ROBO2: variants seen among roughly 807,000 people sequenced by gnomAD.
ROBO2 encodes the protein roundabout guidance receptor 2, also known as roundabout homolog 2.
In ROBO2, 53 loss-of-function variants were observed where a neutral mutation model predicts 160.8. The observed-to-expected ratio is 0.33, with a 90% CI of 0.26 to 0.41. The LOEUF (loss-of-function observed/expected upper bound fraction) is 0.41, where lower values mean the gene tolerates loss of function less well. Ranked by LOEUF, ROBO2 falls within the 10% of genes least tolerant of loss-of-function variation. The probability of loss-of-function intolerance (pLI) is 1.00; values close to 1 mark genes in which losing one functional copy is unlikely to be tolerated. For synonymous variants in ROBO2, 664 were observed against 611.7 expected (o/e 1.09, Z -1.26); for missense variants, 1,577 against 1,722.4 (o/e 0.92, Z 1.49).
chr3:77,533,880 G>A (rs1177821040), intron 6 of ROBO2, among the ~76,000 whole-genome samples: 1 of 148,076 alleles, frequency 6.8e-6, no homozygotes, highest in Non-Finnish European at 1.5e-5. Flanking sequence ...GCCAACTACA[G>A]TAGGCTTTTT....
At position 76,533,952 on chromosome 3, in the gene ROBO2, C is replaced by T. The variant is rs112892955; in HGVS notation, c.110-564062C>T. Among the ~76,000 whole-genome samples, 323 of 152,254 alleles carry T rather than the reference C, an allele frequency of 2.1e-3. 1 individual carries two copies. Among genetic ancestry groups the T allele is most frequent in the African/African-American group, 7.4e-3 (309 of 41,542 alleles). On this transcript the variant is annotated intron_variant, in intron 2 of 26. Coordinates refer to the ROBO2 transcript ENST00000487694. ...CACTTCTTTTGTGGTTTTTCGGCTG[C>T]TGCAGATTTCTTGGCTCCTGCAGGC... is the stretch of plus-strand genomic sequence containing the variant.
chr3:77,479,272 G>A (rs2084396496), intron 3 of ROBO2, among the ~76,000 whole-genome samples: 1 of 152,186 alleles, frequency 6.6e-6, no homozygotes. Context: ...TAGTTGAACA[G>A]TCTGTCCAGT....
chr3:76,454,093 A>T (rs72631205), intron 2 of ROBO2, among the ~76,000 whole-genome samples: 16,548 of 152,088 alleles, frequency 0.11, 1,202 homozygotes, highest in East Asian at 0.28. Flanking sequence ...AATATTATTC[A>T]TCTATTAATT....
chr3:76,637,196 GC>G (rs2090390443), intron 2 of ROBO2, among the ~76,000 whole-genome samples: 1 of 152,074 alleles, frequency 6.6e-6, no homozygotes, highest in African/African-American at 2.4e-5. Flanking sequence ...ACAGGGAGAA[GC>G]CCTGTGTGTC....
intron 2 of ROBO2, among the ~76,000 whole-genome samples, chr3:77,429,201 G>T (rs1304805398): frequency 6.6e-6 from 1 of 152,108 alleles, no homozygotes; most frequent in African/African-American, 2.4e-5. Flanking sequence ...GTGGACTTGT[G>T]GAAGCTCACA....
chr3:77,090,640 C>A (rs2070089701), intron 1 of ROBO2, among the ~76,000 whole-genome samples: 1 of 151,982 alleles, frequency 6.6e-6, no homozygotes, highest in African/African-American at 2.4e-5. Flanking sequence ...AGGTGTGAGT[C>A]ACAGCGCCCG....
chr3:76,341,672 G>T (rs565398135), intron 2 of ROBO2, among the ~76,000 whole-genome samples: 3 of 152,060 alleles, frequency 2.0e-5, no homozygotes, highest in African/African-American at 7.2e-5. Context: ...ATATTCTGTT[G>T]GTCAGAATCA....
intron 2 of ROBO2, among the ~76,000 whole-genome samples, chr3:76,781,540 T>C (rs1402776989): frequency 4.6e-5 from 7 of 150,686 alleles, no homozygotes; most frequent in Non-Finnish European, 1.5e-5. Context: ...GTATTTACAT[T>C]TGACCTTTAT....
intron 2 of ROBO2, among the ~76,000 whole-genome samples, chr3:77,143,865 T>C (rs2076921726): frequency 6.6e-6 from 1 of 152,178 alleles, no homozygotes; most frequent in Admixed American, 6.5e-5. Context: ...TACTGGTGTG[T>C]CAGGCATTGG....
At chr3:76,956,991 C>T (rs980758685) in intron 2 of ROBO2, among the ~76,000 whole-genome samples, 3 of 152,080 alleles carry the variant, frequency 2.0e-5, no homozygotes, top group Admixed American at 1.3e-4. Context: ...ATTATTATGC[C>T]GTGAAAAATA....
At chr3:76,610,982 AG>A (rs1332184267) in intron 2 of ROBO2, among the ~76,000 whole-genome samples, 1 of 152,142 alleles carries the variant, frequency 6.6e-6, no homozygotes, top group Admixed American at 6.5e-5. Context: ...CAGCTGTGAG[AG>A]GGGACCCGAG....
chr3:77,207,520 T>G (rs779877288), intron 2 of ROBO2, among the ~76,000 whole-genome samples: 7 of 152,356 alleles, frequency 4.6e-5, no homozygotes, highest in Non-Finnish European at 1.0e-4. Context: ...CATTTTATCT[T>G]TAAAATATGC....
intron 2 of ROBO2, among the ~76,000 whole-genome samples, chr3:76,894,087 T>A (rs2148831855): frequency 6.6e-6 from 1 of 152,242 alleles, no homozygotes; most frequent in East Asian, 1.9e-4. Flanking sequence ...TTTTGAAGTC[T>A]TGGTCTGTAC....
At chr3:77,476,714 C>T (rs1363746687) in intron 2 of ROBO2, among the ~76,000 whole-genome samples, 4 of 151,972 alleles carry the variant, frequency 2.6e-5, no homozygotes, top group African/African-American at 9.7e-5. Context: ...GTGGTTACAG[C>T]GAAGGTCCAA....
Position 76,491,249 on chromosome 3 carries a change from TA to T in ROBO2, c.109+553649del, listed in dbSNP as rs1317858086. Among the ~76,000 whole-genome samples the T allele has an allele frequency of 3.3e-5, 5 of 152,118 alleles. No homozygotes were observed. In the South Asian group the frequency reaches 6.2e-4, roughly 19 times the overall value. ...CAGGCATGAGCCAGGGCGCCCGACC[TA>T]AGATTAATTTTTTTAAAAAAAAGTA... On this transcript the variant is annotated intron_variant, in intron 2 of 26. Coordinates refer to the ROBO2 transcript ENST00000487694.
intron 2 of ROBO2, among the ~76,000 whole-genome samples, chr3:76,121,872 A>G (rs1209434183): frequency 6.6e-6 from 1 of 152,220 alleles, no homozygotes; most frequent in Non-Finnish European, 1.5e-5. Flanking sequence ...CTAAGTCTAC[A>G]GCCAAATAGA....
chr3:77,133,581 A>G (rs1304182681), intron 2 of ROBO2, among the ~76,000 whole-genome samples: 1 of 151,070 alleles, frequency 6.6e-6, no homozygotes. Context: ...GCAAAGAAAC[A>G]GCAATTTAGT....
intron 2 of ROBO2, among the ~76,000 whole-genome samples, chr3:77,248,405 G>A (rs1215831074): frequency 2.0e-5 from 3 of 151,814 alleles, no homozygotes; most frequent in Admixed American, 2.0e-4. Flanking sequence ...ACCCTCCACT[G>A]AGCTGTTAAC....
chr3:76,959,720 T>C (rs1267059821), intron 2 of ROBO2, among the ~76,000 whole-genome samples: 1 of 152,152 alleles, frequency 6.6e-6, no homozygotes, highest in African/African-American at 2.4e-5. Flanking sequence ...TAAGTAGTAA[T>C]TTGGAAATCA....
Sources: allele counts gnomAD v4.1 joint callset (sites outside exome capture counted in the v4.1 genomes callset), GRCh38; gene constraint gnomAD v4.1.1; transcripts MANE v1.5; gene names NCBI Gene and HGNC (gene_info 2026-07-23, HGNC 2026-07-21).